The following DLG2 variants were observed in gnomAD, a reference collection of about 807,000 sequenced individuals.
The protein encoded by DLG2 is disks large homolog 2.
DLG2 carries 45 observed loss-of-function variants against 132.5 expected under a neutral mutation model. That is an observed-to-expected ratio of 0.34 (90% confidence interval 0.27 to 0.44). The LOEUF (loss-of-function observed/expected upper bound fraction) is 0.44. DLG2 is among the 20% of genes least tolerant of loss of function. DLG2 has a pLI of 1.00. For missense variants in DLG2, 1,045 were observed against 1,196.9 expected (o/e 0.87, Z 1.87); for synonymous variants, 424 against 419.6 (o/e 1.01, Z -0.13).
At chr11:85,423,041 GT>G (rs2090442878) in intron 3 of DLG2, among the ~76,000 whole-genome samples, 1 of 152,020 alleles carries the variant, frequency 6.6e-6, no homozygotes, top group African/African-American at 2.4e-5. Flanking sequence ...ACTAGAGTTG[GT>G]TTTTTGGTTC....
At chr11:84,521,792 T>C (rs2099302085) in intron 7 of DLG2, among the ~76,000 whole-genome samples, 1 of 152,196 alleles carries the variant, frequency 6.6e-6, no homozygotes, top group Non-Finnish European at 1.5e-5. Context: ...AATTGCTTGT[T>C]TATAATTAAA....
chr11:85,541,705 T>C (rs183093157), intron 3 of DLG2, among the ~76,000 whole-genome samples: 19 of 152,240 alleles, frequency 1.2e-4, no homozygotes, highest in Middle Eastern at 3.4e-3. Context: ...ATTAAAATTT[T>C]GATCCACCAC....
intron 7 of DLG2, among the ~76,000 whole-genome samples, chr11:84,356,522 G>T (rs1331573878): frequency 6.6e-6 from 1 of 152,034 alleles, no homozygotes; most frequent in Middle Eastern, 3.2e-3. Flanking sequence ...GTGACTTTGG[G>T]TAAGTTACAT....
rs1487175748 is a variant in DLG2 at position 84,814,670 on chromosome 11, G to A, written c.358-279939C>T. The stretch of plus-strand genomic sequence containing the variant: ...TATGTTTGTTCATGTTTGTTCCTCT[G>A]CTTAGAAGGATCTACTTCCCCACTT... On this transcript the variant is annotated intron_variant, in intron 6 of 27. Transcript: ENST00000376104. Among the ~76,000 whole-genome samples the A allele has an allele frequency of 2.0e-5, 3 of 151,956 alleles. No homozygotes were observed. In the East Asian group the frequency reaches 5.8e-4, roughly 30 times the overall value.
rs548346289 is a variant in DLG2, at chr11:83,941,245, C to A, written c.1341-10762G>T. Among the ~76,000 whole-genome samples the A allele has an allele frequency of 3.3e-5, 5 of 152,202 alleles. No individual in the cohort carries two copies. The East Asian group carries it at 9.6e-4, about 29-fold the overall frequency. On this transcript the variant is annotated intron_variant, in intron 14 of 27. Transcript: ENST00000376104. The stretch of plus-strand genomic sequence containing the variant: ...TGGGCATCCTTATTTGGCAATCTGC[C>A]AGCCCCATCACCTTGCAAGTTCCCA...
chr11:85,325,039 C>T (rs1375607158), intron 3 of DLG2, among the ~76,000 whole-genome samples: 2 of 141,766 alleles, frequency 1.4e-5, no homozygotes, highest in East Asian at 4.2e-4. Context: ...GGGTCACTCC[C>T]ACCCGAATAT....
chr11:83,768,711 A>G (rs981093781), intron 18 of DLG2, among the ~76,000 whole-genome samples: 1 of 152,242 alleles, frequency 6.6e-6, no homozygotes. Flanking sequence ...GGCCATGCAT[A>G]TAAGTTTAAT....
At chr11:83,802,841 A>T (rs2044832338) in intron 17 of DLG2, among the ~76,000 whole-genome samples, 1 of 152,168 alleles carries the variant, frequency 6.6e-6, no homozygotes, top group Admixed American at 6.5e-5. Context: ...CTGCAAGGTT[A>T]CACAGTGAAT....
intron 8 of DLG2, among the ~76,000 whole-genome samples, chr11:84,201,490 T>C (rs10792730): frequency 0.72 from 109,839 of 151,998 alleles, 41,689 homozygotes; most frequent in Middle Eastern, 0.87. Flanking sequence ...TCCCTCCTTT[T>C]CAGTTTTTTG....
chr11:85,074,638 A>G (rs2066289844), intron 6 of DLG2, among the ~76,000 whole-genome samples: 1 of 151,858 alleles, frequency 6.6e-6, no homozygotes, highest in African/African-American at 2.4e-5. Context: ...TATTCTCTTA[A>G]GGAAAAGAGA....
At chr11:85,130,841 A>G (rs1272728697) in intron 5 of DLG2, among the ~76,000 whole-genome samples, 1 of 152,188 alleles carries the variant, frequency 6.6e-6, no homozygotes, top group Non-Finnish European at 1.5e-5. Context: ...CTAAATAGAT[A>G]AGATTTGCAG....
In DLG2 at chr11:84,630,979, TTCTCTCTCTCTCTCTCTC is replaced by T. The variant is rs369904915; in HGVS notation, c.358-96266_358-96249del. On this transcript the variant is annotated intron_variant, in intron 6 of 27. Coordinates refer to ENST00000376104, the MANE Select transcript of DLG2 (RefSeq NM_001142699.3). ...TGGTCTGGGTGATTCTTAAATGCATTTCTCTCTCTCTCTCTCTCTCTCTCTCTCTCTCTCTCTCTCACA... is the reference window on the plus strand; with the variant it reads ...TGGTCTGGGTGATTCTTAAATGCATTTCTCTCTCTCTCTCTCTCTCTCACA... Among the ~76,000 whole-genome samples, 11 of 51,242 alleles carry T rather than the reference TTCTCTCTCTCTCTCTCTC, an allele frequency of 2.1e-4. 1 individual carries two copies. The South Asian group carries it at 6.5e-3, about 30-fold the overall frequency. 33.6% of individuals were successfully genotyped at this position (51,242 alleles called of 152,430 possible). A position where few individuals can be genotyped will look rare whatever the true frequency, so the allele number is the denominator to read the frequency against.
At chr11:84,579,472 GTAAT>G in intron 6 of DLG2, among the ~76,000 whole-genome samples, 1 of 152,214 alleles carries the variant, frequency 6.6e-6, no homozygotes, top group East Asian at 1.9e-4. Flanking sequence ...AAGATTAGTA[GTAAT>G]TAATCATGCA....
At chr11:85,436,419 G>A (rs1460299003) in intron 3 of DLG2, among the ~76,000 whole-genome samples, 1 of 151,962 alleles carries the variant, frequency 6.6e-6, no homozygotes, top group Non-Finnish European at 1.5e-5. Flanking sequence ...ATCTGACAAA[G>A]GTCTAGTATC....
At chr11:84,658,996 C>A (rs1263686990) in intron 6 of DLG2, among the ~76,000 whole-genome samples, 1 of 152,156 alleles carries the variant, frequency 6.6e-6, no homozygotes, top group African/African-American at 2.4e-5. Context: ...CTGTTGGCGC[C>A]TTGATCTTGG....
At chr11:85,262,718 G>A (rs1386969792) in intron 4 of DLG2, among the ~76,000 whole-genome samples, 1 of 151,982 alleles carries the variant, frequency 6.6e-6, no homozygotes, top group East Asian at 1.9e-4. Flanking sequence ...CATAAGATCT[G>A]GAAAAACTTT....
intron 21 of DLG2, among the ~76,000 whole-genome samples, chr11:83,529,575 C>CTT (rs34500178): frequency 6.7e-5 from 10 of 149,084 alleles, no homozygotes; most frequent in South Asian, 4.2e-4. Context: ...TCATGGCACT[C>CTT]TTTTTTTTTT....
At chr11:85,424,477 T>C (rs951292530) in intron 3 of DLG2, among the ~76,000 whole-genome samples, 1 of 152,218 alleles carries the variant, frequency 6.6e-6, no homozygotes, top group African/African-American at 2.4e-5. Flanking sequence ...TCATGATTCA[T>C]TGAATAAGAC....
chr11:84,838,483 T>G (rs2154004282), intron 6 of DLG2, among the ~76,000 whole-genome samples: 1 of 151,634 alleles, frequency 6.6e-6, no homozygotes, highest in South Asian at 2.1e-4. Flanking sequence ...AAGGGAAACA[T>G]ATACATTGCT....
Sources: gnomAD v4.1 joint callset for allele counts (sites outside exome capture counted in the v4.1 genomes callset) on GRCh38, gnomAD v4.1.1 for gene constraint, MANE v1.5 for transcripts, NCBI Gene and HGNC (gene_info 2026-07-23, HGNC 2026-07-21) for gene names.